Variants in PPFIA2 observed in about 807,000 individuals in gnomAD.
PPFIA2 encodes the protein PPFI scaffold protein A2.
A neutral mutation model predicts 175.5 loss-of-function variants in PPFIA2; 46 were observed. The ratio of observed to expected loss-of-function variants is 0.26; its 90% CI spans 0.21 to 0.34. The LOEUF is 0.34. Ranked by LOEUF, PPFIA2 falls within the 10% of genes least tolerant of loss-of-function variation. The pLI is 1.00. For missense variants in PPFIA2, 1,179 were observed against 1,506.1 expected (o/e 0.78, Z 3.60); for synonymous variants, 568 against 511.4 (o/e 1.11, Z -1.49).
At chr12:81,495,562 T>C (rs1357904099) in intron 4 of PPFIA2, among the ~76,000 whole-genome samples, 1 of 152,174 alleles carries the variant, frequency 6.6e-6, no homozygotes, top group African/African-American at 2.4e-5. Context: ...GCCAGCACTT[T>C]GGGAGACTCA....
intron 3 of PPFIA2, among the ~76,000 whole-genome samples, chr12:81,724,048 C>A (rs2079703397): frequency 6.6e-6 from 1 of 150,866 alleles, no homozygotes; most frequent in Non-Finnish European, 1.5e-5. Context: ...GGAAAGGTGA[C>A]TGTTTCATAA....
chr12:81,670,609 A>G (rs1030970836), intron 4 of PPFIA2, among the ~76,000 whole-genome samples: 3 of 151,872 alleles, frequency 2.0e-5, no homozygotes, highest in Non-Finnish European at 4.4e-5. Flanking sequence ...CTGCATAACC[A>G]AGCTCTTAAA....
chr12:81,356,589 G>A (rs2060889181), intron 16 of PPFIA2, among the ~76,000 whole-genome samples: 1 of 152,014 alleles, frequency 6.6e-6, no homozygotes, highest in African/African-American at 2.4e-5. Context: ...CTTGAGCTCA[G>A]GAATTCAAGG....
chr12:81,614,993 T>G (rs542111229), intron 4 of PPFIA2, among the ~76,000 whole-genome samples: 2 of 152,282 alleles, frequency 1.3e-5, no homozygotes, highest in East Asian at 3.9e-4. Flanking sequence ...AAATTACATC[T>G]TGGTACTGCT....
chr12:81,517,349 C>T lies in PPFIA2; in HGVS notation c.304-59483G>A, dbSNP rs1261196297. Among the ~76,000 whole-genome samples the T allele has an allele frequency of 2.6e-5, 4 of 152,136 alleles. No individual in the cohort carries two copies. The East Asian group carries it at 5.8e-4, about 22-fold the overall frequency. The stretch of plus-strand genomic sequence containing the variant: ...AGTTAGGAAGTCACCAGCTTCAGTT[C>T]TCCACCACTACTGCAACGATGAGGA... On this transcript the variant is annotated intron_variant, in intron 4 of 32. Transcript: ENST00000549396.
intron 4 of PPFIA2, among the ~76,000 whole-genome samples, chr12:81,676,275 T>A (rs1031804727): frequency 1.3e-5 from 2 of 152,046 alleles, no homozygotes; most frequent in African/African-American, 4.8e-5. Context: ...CAGAAAGGAC[T>A]AAGATGTTCC....
At position 81,375,680 on chromosome 12, in the gene PPFIA2, T is replaced by G. The variant is rs2036202408; in HGVS notation, c.1131+116A>C. 2.0e-5 allele frequency: 22 copies of G among 1,097,294 alleles called. No individual in the cohort carries two copies. The South Asian group carries it at 3.3e-4, about 16-fold the overall frequency. The allele number at this position is 1,097,294 out of a possible 1,614,324, so 68.0% of individuals were successfully genotyped here. ...ATTTGTTTTGCTAGAGAATTTCAAA[T>G]TTTAGAGAATGATTACTCAAACATC... On this transcript the variant is annotated intron_variant, in intron 10 of 32. Coordinates refer to ENST00000549396, the MANE Select transcript of PPFIA2 (RefSeq NM_003625.5).
intron 7 of PPFIA2, among the ~76,000 whole-genome samples, chr12:81,408,008 T>C (rs959218395): frequency 6.6e-6 from 1 of 152,192 alleles, no homozygotes; most frequent in African/African-American, 2.4e-5. Context: ...CAAATTATTA[T>C]GTGCAGGGTA....
chr12:81,486,851 G>A (rs1017862441), intron 4 of PPFIA2, among the ~76,000 whole-genome samples: 2 of 151,748 alleles, frequency 1.3e-5, no homozygotes, highest in South Asian at 2.1e-4. Context: ...ATTTTTTGAT[G>A]AGGAAATAAA....
chr12:81,369,589 T>G (rs926056378), intron 11 of PPFIA2, among the ~76,000 whole-genome samples: 4 of 151,846 alleles, frequency 2.6e-5, no homozygotes, highest in Non-Finnish European at 5.9e-5. Context: ...TGGATTCTAT[T>G]TAGCAATAGA....
intron 4 of PPFIA2, among the ~76,000 whole-genome samples, chr12:81,651,948 A>G (rs1184947818): frequency 6.6e-6 from 1 of 152,068 alleles, no homozygotes; most frequent in Admixed American, 6.6e-5. Context: ...ACCAGCCAAA[A>G]GAAAACTAGT....
At chr12:81,572,242 G>T (rs2153415369) in intron 4 of PPFIA2, among the ~76,000 whole-genome samples, 1 of 151,996 alleles carries the variant, frequency 6.6e-6, no homozygotes, top group East Asian at 2.0e-4. Flanking sequence ...CTTGACCCAT[G>T]TCCTCATCTC....
intron 9 of PPFIA2, among the ~76,000 whole-genome samples, chr12:81,376,301 T>C (rs890761971): frequency 1.3e-5 from 2 of 152,186 alleles, no homozygotes; most frequent in Non-Finnish European, 2.9e-5. Context: ...CATAAAATTG[T>C]TAAAATGGTG....
At chr12:81,718,111 T>C (rs1318456253) in intron 3 of PPFIA2, among the ~76,000 whole-genome samples, 5 of 151,484 alleles carry the variant, frequency 3.3e-5, no homozygotes, top group Non-Finnish European at 7.4e-5. Flanking sequence ...ACTAACATCA[T>C]CCACTACAGA....
chr12:81,263,107 A>G (rs533755902), intron 31 of PPFIA2, 124 bp downstream of exon 31: 1 of 974,356 alleles, frequency 1.0e-6, no homozygotes, highest in Non-Finnish European at 1.5e-6. Flanking sequence ...ATGAGAGCAA[A>G]GTAAATTTCA....
At chr12:81,355,418 A>G (rs1175358664) in intron 16 of PPFIA2, among the ~76,000 whole-genome samples, 1 of 152,194 alleles carries the variant, frequency 6.6e-6, no homozygotes, top group East Asian at 1.9e-4. Flanking sequence ...TTTTCAGCAT[A>G]GTGAATGAGC....
intron 4 of PPFIA2, among the ~76,000 whole-genome samples, chr12:81,667,967 G>T (rs1410411856): frequency 6.6e-6 from 1 of 151,968 alleles, no homozygotes; most frequent in African/African-American, 2.4e-5. Context: ...AAAAAGCAAA[G>T]TTTTATAAGA....
chr12:81,591,731 G>T (rs1922399), intron 4 of PPFIA2, among the ~76,000 whole-genome samples: 3 of 151,972 alleles, frequency 2.0e-5, no homozygotes, highest in Admixed American at 6.6e-5. Context: ...CAGAAGTCAA[G>T]AATTGAGGTT....
chr12:81,654,017 A>C (rs1374383855), intron 4 of PPFIA2, among the ~76,000 whole-genome samples: 1 of 152,042 alleles, frequency 6.6e-6, no homozygotes, highest in Non-Finnish European at 1.5e-5. Context: ...GAATATGGGA[A>C]CATTTCTTAA....
Sources: gnomAD v4.1 joint callset for allele counts (sites outside exome capture counted in the v4.1 genomes callset) on GRCh38, gnomAD v4.1.1 for gene constraint, MANE v1.5 for transcripts, NCBI Gene and HGNC (gene_info 2026-07-23, HGNC 2026-07-21) for gene names.